Variants in C18orf63 observed in about 807,000 individuals in gnomAD.
The protein encoded by C18orf63 is uncharacterized protein C18orf63.
A neutral mutation model predicts 75.3 loss-of-function variants in C18orf63; 50 were observed. The observed-to-expected ratio is 0.66, with a 90% CI of 0.53 to 0.84. The LOEUF (loss-of-function observed/expected upper bound fraction) is 0.84. Among genes scored for constraint, C18orf63 ranks in the 40% least tolerant of loss-of-function variants. The probability of loss-of-function intolerance (pLI) is 0.00; values close to 1 mark genes in which losing one functional copy is unlikely to be tolerated. For synonymous variants in C18orf63, 232 were observed against 267.6 expected, an observed-to-expected ratio of 0.87 and a Z score of 1.30; for missense variants, 732 against 800.2, an observed-to-expected ratio of 0.91 and a Z score of 1.03.
chr18:74,330,102 A>AC (rs1984279923), intron 6 of C18orf63, among the ~76,000 whole-genome samples: 2 of 152,146 alleles, frequency 1.3e-5, no homozygotes, highest in African/African-American at 4.8e-5. Flanking sequence ...TCATCTCCAA[A>AC]CACTGTCATG....
chr18:74,328,027 C>T lies in C18orf63; in HGVS notation c.351C>T (p.Ala117=). The T allele has an allele frequency of 6.5e-7, 1 of 1,534,386 alleles. No homozygotes were observed. Among genetic ancestry groups the T allele is most frequent in the Non-Finnish European group, 8.7e-7 (1 of 1,145,390 alleles). The change falls in exon 5 of 14, where the codon GCC becomes GCT. Residue 117 remains alanine, a synonymous_variant. Coordinates refer to ENST00000579455, the MANE Select transcript of C18orf63 (RefSeq NM_001174123.2). The part of the protein sequence containing the change: ...SYSFMARLAP[A]WNRTGHLLIQ... ...CATTCATGGCTAGACTTGCTCCAGC[C>T]TGGAATAGAACTGGTCATCTCTTGA...
intron 11 of C18orf63, among the ~76,000 whole-genome samples, chr18:74,350,380 A>G (rs1325432557): frequency 6.6e-6 from 1 of 152,110 alleles, no homozygotes; most frequent in Non-Finnish European, 1.5e-5. Flanking sequence ...GGGTCACTGC[A>G]GATATAGTTA....
intron 3 of C18orf63, among the ~76,000 whole-genome samples, chr18:74,322,259 C>A (rs1984137152): frequency 6.6e-6 from 1 of 152,166 alleles, no homozygotes; most frequent in South Asian, 2.1e-4. Context: ...TGTAGATATT[C>A]ACGCCTTTAA....
Position 74,353,394 on chromosome 18 carries a change from A to C in C18orf63, c.1127A>C (p.Gln376Pro). The C allele has an allele frequency of 6.5e-7, 1 of 1,536,368 alleles. No homozygotes were observed. Among genetic ancestry groups the C allele is most frequent in the African/African-American group, 1.4e-5 (1 of 73,160 alleles). Residue 376 changes from glutamine to proline, a missense_variant, in exon 12 of 14, where the codon CAG becomes CCG. By Grantham distance (76) the Gln-to-Pro change is moderately conservative. This residue lies in a region of C18orf63 where 495 missense variants were observed against 508.7 expected (regional missense o/e 0.97). Transcript: ENST00000579455. ...CACAAGGTGGAGCTTTCAGTCAGCC[A>C]GCCAACATCAGGCATTTTCTCAGCT... ...VDHKVELSVS[Q>P]PTSGIFSALH... is the part of the protein sequence containing the mutation.
intron 7 of C18orf63, among the ~76,000 whole-genome samples, chr18:74,334,369 C>A (rs1406769202): frequency 6.6e-6 from 1 of 151,926 alleles, no homozygotes; most frequent in East Asian, 1.9e-4. Flanking sequence ...CAAATGGTTA[C>A]ATTCTTGTGA....
intron 6 of C18orf63, among the ~76,000 whole-genome samples, chr18:74,330,413 G>A (rs994951045): frequency 6.6e-5 from 10 of 152,046 alleles, no homozygotes; most frequent in Non-Finnish European, 2.9e-5. Flanking sequence ...AAGACTTCAA[G>A]GCTCTAGGAG....
chr18:74,332,718 GA>G (rs11478149), intron 7 of C18orf63, among the ~76,000 whole-genome samples: 74,596 of 141,168 alleles, frequency 0.53, 19,305 homozygotes, highest in Non-Finnish European at 0.59. Context: ...TCTTAGAGGG[GA>G]AAAAAAAAAA....
intron 13 of C18orf63, among the ~76,000 whole-genome samples, chr18:74,356,214 A>G (rs543210656): frequency 2.6e-5 from 4 of 152,210 alleles, no homozygotes; most frequent in African/African-American, 9.6e-5. Flanking sequence ...TAGTGTATTC[A>G]TCATTGGAAT....
chr18:74,352,671 T>A (rs1984687411), intron 11 of C18orf63, among the ~76,000 whole-genome samples: 2 of 152,198 alleles, frequency 1.3e-5, no homozygotes, highest in Admixed American at 1.3e-4. Context: ...ACAAGGATTT[T>A]TAGTAACTGT....
In C18orf63 at chr18:74,353,963, A is replaced by G. The variant is rs946682942; in HGVS notation, c.1696A>G (p.Met566Val). The change falls in exon 12 of 14, where the codon ATG (methionine) becomes GTG (valine). Residue 566 changes from methionine to valine, a missense_variant. Met to Val is a conservative substitution (Grantham distance 21). Coordinates refer to ENST00000579455, the MANE Select transcript of C18orf63 (RefSeq NM_001174123.2). ...GVVKSAVDFQMKGKENLTGKG... is the reference protein window; with the variant it reads ...GVVKSAVDFQVKGKENLTGKG... ...GGTAAAAAGTGCTGTTGACTTCCAA[A>G]TGAAAGGAAAAGAAAATTTAACAGG... The G allele has an allele frequency of 7.8e-6, 12 of 1,536,230 alleles. No homozygotes were observed. In the Admixed American group the frequency reaches 1.2e-4, roughly 15 times the overall value.
At chr18:74,316,203 C>G (rs1317643375) in intron 1 of C18orf63, 94 bp downstream of exon 1, 1 of 152,052 alleles carries the variant, frequency 6.6e-6, no homozygotes, top group African/African-American at 2.4e-5. Flanking sequence ...CGCCGGCACC[C>G]TGAGGACGTT....
intron 1 of C18orf63, among the ~76,000 whole-genome samples, chr18:74,316,353 C>T (rs758600412): frequency 6.6e-5 from 10 of 152,204 alleles, no homozygotes; most frequent in Non-Finnish European, 1.5e-4. Flanking sequence ...TTCGTTTCCA[C>T]TCACGTCCAT....
intron 11 of C18orf63, among the ~76,000 whole-genome samples, chr18:74,351,183 G>C (rs1018032436): frequency 1.3e-5 from 2 of 152,136 alleles, no homozygotes; most frequent in Non-Finnish European, 2.9e-5. Context: ...TTTTCTTGGG[G>C]ACTTTCCGTT....
Position 74,317,764 on chromosome 18 carries a change from G to C in C18orf63, c.-32-70G>C, listed in dbSNP as rs115133613. On this transcript the variant is annotated intron_variant, in intron 1 of 13. Transcript: ENST00000579455. ...ATTCTAAAACAATATCAAATATTGT[G>C]TGCTGACTTGGTATTGGAACTCTAT... 5,936 of 852,232 alleles carry C rather than the reference G, an allele frequency of 7.0e-3. 153 individuals are homozygous for C. The highest frequency in any genetic ancestry group is 0.069 in the African/African-American group (4,048 of 58,282). 52.8% of individuals were successfully genotyped at this position (852,232 alleles called of 1,614,324 possible).
chr18:74,330,340 CT>C lies in C18orf63; in HGVS notation c.425-524del, dbSNP rs994460049. ...CTCATGCTTTTTTCATGTACTAACC[CT>C]TCCCAAAGTCACCACTATCCTGACA... On this transcript the variant is annotated intron_variant, in intron 6 of 13. Transcript: ENST00000579455. Among the ~76,000 whole-genome samples, 44 of 152,218 alleles carry C rather than the reference CT, an allele frequency of 2.9e-4. 2 individuals carry two copies. Among genetic ancestry groups the C allele is most frequent in the African/African-American group, 9.4e-4 (39 of 41,544 alleles).
rs539630050 is a variant in C18orf63 at position 74,338,795 on chromosome 18, T to A, written c.582T>A (p.Ile194=). 11 of 1,412,144 alleles carry A rather than the reference T, an allele frequency of 7.8e-6. No individual in the cohort carries two copies. The highest frequency in any genetic ancestry group is 1.0e-5 in the Non-Finnish European group (11 of 1,069,622). 87.5% of individuals were successfully genotyped at this position (1,412,144 alleles called of 1,614,324 possible). The change falls in exon 8 of 14, where the codon ATT becomes ATA. Residue 194 remains isoleucine, a synonymous_variant. Transcript: ENST00000579455. ...ATGCTGTCATTGAGAGACATTCCAT[T>A]TTAAGCAACTGGTGCTACGTTTTGC... ...NKHAVIERHS[I]LSNWCYVLPS...
intron 1 of C18orf63, among the ~76,000 whole-genome samples, chr18:74,316,860 A>G (rs1027534228): frequency 6.6e-6 from 1 of 152,202 alleles, no homozygotes; most frequent in Non-Finnish European, 1.5e-5. Context: ...ATTCTAATAA[A>G]TTCATGCTTA....
At position 74,322,713 on chromosome 18, in the gene C18orf63, G is replaced by A. The variant is rs777391195; in HGVS notation, c.229G>A (p.Ala77Thr). 1.4e-5 allele frequency: 19 copies of A among 1,339,132 alleles called. No homozygotes were observed. In the South Asian group the frequency reaches 2.5e-4, roughly 17 times the overall value. The allele number at this position is 1,339,132 out of a possible 1,614,324, so 83.0% of individuals were successfully genotyped here. ...TTTGTTACAGATACCATTTTATAAAGCAAGAAAACTTAATGCCTATGTTGA... is the reference window on the plus strand; with the variant it reads ...TTTGTTACAGATACCATTTTATAAAACAAGAAAACTTAATGCCTATGTTGA... ...WVVMAIPFYKARKLNAYVEKY... is the reference protein window; with the variant it reads ...WVVMAIPFYKTRKLNAYVEKY... Residue 77 changes from alanine to threonine, a missense_variant, in exon 4 of 14, where the codon GCA becomes ACA. Around this residue, in one of 3 missense-constraint regions of C18orf63, gnomAD observed 233 missense variants for 272.7 expected, o/e 0.85. Coordinates refer to ENST00000579455, the MANE Select transcript of C18orf63 (RefSeq NM_001174123.2).
intron 11 of C18orf63, among the ~76,000 whole-genome samples, chr18:74,346,837 A>G (rs1472803738): frequency 2.0e-5 from 3 of 152,256 alleles, no homozygotes; most frequent in Non-Finnish European, 2.9e-5. Context: ...TGCTTTCTGC[A>G]TGCCAGCTGC....
Sources: gnomAD v4.1 joint callset for allele counts (sites outside exome capture counted in the v4.1 genomes callset) on GRCh38, gnomAD v4.1.1 for gene constraint, gnomAD v4.1.1 regional missense constraint, MANE v1.5 for transcripts, NCBI Gene and HGNC (gene_info 2026-07-23, HGNC 2026-07-21) for gene names.